The following NDFIP2 variants were observed in gnomAD, a reference collection of about 807,000 sequenced individuals.
NDFIP2 encodes Nedd4 family interacting protein 2.
A neutral mutation model predicts 36.0 loss-of-function variants in NDFIP2; 19 were observed. That is an observed-to-expected ratio of 0.53 (90% CI 0.37 to 0.77). The LOEUF (loss-of-function observed/expected upper bound fraction) is 0.77, where lower values mean the gene tolerates loss of function less well. NDFIP2 is among the 30% of genes least tolerant of loss of function. NDFIP2 has a pLI of 0.00. For synonymous variants in NDFIP2, 181 were observed against 167.7 expected (o/e 1.08, Z -0.61); for missense variants, 446 against 435.8 (o/e 1.02, Z -0.21).
At chr13:79,534,181 T>C (rs1875132711) in intron 3 of NDFIP2, among the ~76,000 whole-genome samples, 1 of 152,134 alleles carries the variant, frequency 6.6e-6, no homozygotes, top group Admixed American at 6.5e-5. Context: ...TACTTATTTA[T>C]CTTCTTACAT....
At chr13:79,542,019 A>G (rs1052009146) in intron 4 of NDFIP2, among the ~76,000 whole-genome samples, 1 of 152,216 alleles carries the variant, frequency 6.6e-6, no homozygotes. Context: ...CCTCAGATAC[A>G]TGCCTAATGT....
intron 2 of NDFIP2, among the ~76,000 whole-genome samples, chr13:79,523,617 C>T (rs1169153075): frequency 6.6e-6 from 1 of 152,122 alleles, no homozygotes; most frequent in African/African-American, 2.4e-5. Context: ...TAAACTAGAA[C>T]AGTTATGGCA....
At position 79,521,349 on chromosome 13, in the gene NDFIP2, C is replaced by A. The variant is rs559664837; in HGVS notation, c.487+374C>A. ...ATTCAGGTCACTCTAAAGAACTAAT[C>A]TATTTTTCTGGCTACAATTTTTATT... On this transcript the variant is annotated intron_variant, in intron 2 of 7. Transcript: ENST00000218652. 2.1e-3 allele frequency among the ~76,000 whole-genome samples: 325 copies of A among 152,190 alleles called. 3 individuals are homozygous for A. Among genetic ancestry groups the A allele is most frequent in the African/African-American group, 7.6e-3 (316 of 41,556 alleles).
At chr13:79,551,986 CA>C (rs1875926682) in intron 7 of NDFIP2, among the ~76,000 whole-genome samples, 1 of 151,216 alleles carries the variant, frequency 6.6e-6, no homozygotes, top group Admixed American at 6.6e-5. Flanking sequence ...ATTCTTTTTT[CA>C]AATAAATAAA....
At chr13:79,539,587 T>G in intron 3 of NDFIP2, 95 bp from the exon 4 acceptor site, 6 of 949,538 alleles carry the variant, frequency 6.3e-6, no homozygotes, top group Non-Finnish European at 1.0e-5. Context: ...TACAACAAAT[T>G]GAGAACATTA....
At chr13:79,485,420 T>C (rs61368443) in intron 1 of NDFIP2, among the ~76,000 whole-genome samples, 6,563 of 152,292 alleles carry the variant, frequency 0.043, 488 homozygotes, top group African/African-American at 0.15. Context: ...CTGACTGCCT[T>C]ACTGAATAGT....
chr13:79,500,734 A>G (rs1475433830), intron 1 of NDFIP2, among the ~76,000 whole-genome samples: 1 of 152,040 alleles, frequency 6.6e-6, no homozygotes, highest in Non-Finnish European at 1.5e-5. Flanking sequence ...ATATAGCCAC[A>G]TGGGAAGATA....
intron 1 of NDFIP2, among the ~76,000 whole-genome samples, chr13:79,501,187 C>T (rs938646327): frequency 6.6e-6 from 1 of 151,954 alleles, no homozygotes; most frequent in African/African-American, 2.4e-5. Flanking sequence ...ATAGGTGGAG[C>T]ACAGAGGATT....
At chr13:79,489,008 C>T in intron 1 of NDFIP2, among the ~76,000 whole-genome samples, 1 of 152,164 alleles carries the variant, frequency 6.6e-6, no homozygotes, top group East Asian at 1.9e-4. Flanking sequence ...AAACATGAGA[C>T]ACAAACAAGT....
At chr13:79,547,297 A>G (rs1173554758) in intron 5 of NDFIP2, among the ~76,000 whole-genome samples, 1 of 152,130 alleles carries the variant, frequency 6.6e-6, no homozygotes, top group Non-Finnish European at 1.5e-5. Flanking sequence ...ATAATTGGAA[A>G]TCTTTACTTA....
chr13:79,549,782 A>C (rs1355136843), intron 6 of NDFIP2, among the ~76,000 whole-genome samples: 1 of 151,894 alleles, frequency 6.6e-6, no homozygotes. Flanking sequence ...ACATTTGGAT[A>C]ACAGTATTAT....
chr13:79,536,648 A>G (rs1461392849), intron 3 of NDFIP2, among the ~76,000 whole-genome samples: 1 of 152,172 alleles, frequency 6.6e-6, no homozygotes, highest in African/African-American at 2.4e-5. Flanking sequence ...TCAATATGCT[A>G]TTGAAACTTA....
intron 1 of NDFIP2, among the ~76,000 whole-genome samples, chr13:79,509,229 A>G (rs917177897): frequency 2.0e-5 from 3 of 152,284 alleles, no homozygotes; most frequent in Admixed American, 6.5e-5. Flanking sequence ...TAAGATATCA[A>G]TCAGTATGTG....
At chr13:79,508,014 G>A (rs2140751903) in intron 1 of NDFIP2, among the ~76,000 whole-genome samples, 2 of 152,110 alleles carry the variant, frequency 1.3e-5, no homozygotes, top group South Asian at 2.1e-4. Flanking sequence ...ATGTGAAAAT[G>A]TATTTGTTTT....
intron 1 of NDFIP2, among the ~76,000 whole-genome samples, chr13:79,517,482 G>A (rs1456352538): frequency 2.0e-5 from 3 of 152,148 alleles, no homozygotes; most frequent in Admixed American, 6.5e-5. Context: ...TGTTTAAAAG[G>A]CAGTCAAAGT....
intron 1 of NDFIP2, among the ~76,000 whole-genome samples, chr13:79,503,839 G>T (rs1238856817): frequency 1.3e-5 from 2 of 152,150 alleles, no homozygotes; most frequent in South Asian, 4.1e-4. Flanking sequence ...TAAGAATAGG[G>T]TGATAGAGAG....
chr13:79,549,418 A>G (rs1679500383), intron 6 of NDFIP2, among the ~76,000 whole-genome samples: 1 of 152,032 alleles, frequency 6.6e-6, no homozygotes, highest in South Asian at 2.1e-4. Context: ...GTGTATATAT[A>G]TATTATTTAG....
intron 1 of NDFIP2, among the ~76,000 whole-genome samples, chr13:79,483,696 C>T (rs9565509): frequency 0.075 from 11,408 of 152,230 alleles, 686 homozygotes; most frequent in East Asian, 0.17. Flanking sequence ...TGCTCAGGGT[C>T]ATCAGAAGGA....
intron 3 of NDFIP2, among the ~76,000 whole-genome samples, chr13:79,535,417 A>AT (rs1566665636): frequency 1.3e-5 from 2 of 152,168 alleles, no homozygotes; most frequent in African/African-American, 4.8e-5. Context: ...TTACTGTTCC[A>AT]TTCCCTCATT....
Sources: allele counts gnomAD v4.1 joint callset (sites outside exome capture counted in the v4.1 genomes callset), GRCh38; gene constraint gnomAD v4.1.1; transcripts MANE v1.5; gene names NCBI Gene and HGNC (gene_info 2026-07-23, HGNC 2026-07-21).